The following CASP2 variants were observed in gnomAD, a reference collection of about 807,000 sequenced individuals.
The protein encoded by CASP2 is caspase-2.
Under a neutral mutation model 54.4 loss-of-function variants are expected in CASP2, and 38 were observed. The observed-to-expected ratio is 0.70, with a 90% confidence interval of 0.54 to 0.92. The LOEUF (loss-of-function observed/expected upper bound fraction) is 0.92. CASP2 is among the 40% of genes least tolerant of loss of function. The pLI is 0.00. For missense variants in CASP2, 512 were observed against 579.6 expected (o/e 0.88, Z 1.20); for synonymous variants, 215 against 216.3 (o/e 0.99, Z 0.05).
chr7:143,303,117 A>G (rs1801962965), intron 8 of CASP2: 1 of 152,068 alleles, frequency 6.6e-6, no homozygotes, highest in Non-Finnish European at 1.5e-5. Context: ...AAGAAAAAAA[A>G]AGATTTAAAA....
At chr7:143,296,283 G>A (rs1801747279) in intron 6 of CASP2, among the ~76,000 whole-genome samples, 1 of 152,212 alleles carries the variant, frequency 6.6e-6, no homozygotes, top group South Asian at 2.1e-4. Context: ...AATTGCAGTA[G>A]AGTTGAACTT....
intron 6 of CASP2, among the ~76,000 whole-genome samples, chr7:143,296,819 ATAAT>A (rs1425281878): frequency 1.3e-5 from 2 of 152,216 alleles, no homozygotes; most frequent in East Asian, 3.9e-4. Context: ...AGGAAATAGT[ATAAT>A]TAGTCTTAGA....
Position 143,288,482 on chromosome 7 carries a change from G to T in CASP2, c.27G>T (p.Trp9Cys). Residue 9 changes from tryptophan to cysteine, a missense_variant, in exon 1 of 11, where the codon TGG (tryptophan) becomes TGT (cysteine). By Grantham distance (215) the Trp-to-Cys change is radical. Around this residue, in one of 3 missense-constraint regions of CASP2, gnomAD observed 89 missense variants for 67.1 expected, o/e 1.33. Coordinates refer to ENST00000310447, the MANE Select transcript of CASP2 (RefSeq NM_032982.4). The stretch of plus-strand genomic sequence containing the variant: ...TGGCGGCGCCGAGCGCGGGGTCTTG[G>T]TCCACCTTCCAGCACAAGGAGCTGA... MAAPSAGS[W>C]STFQHKELMA... 6.2e-7 allele frequency: 1 copy of T among 1,613,344 alleles called. No individual in the cohort carries two copies. Among genetic ancestry groups the T allele is most frequent in the South Asian group, 1.1e-5 (1 of 91,060 alleles).
chr7:143,291,523 C>A lies in CASP2; in HGVS notation c.75-17C>A, dbSNP rs748416227. 1.9e-6 allele frequency: 3 copies of A among 1,613,894 alleles called. No homozygotes were observed. The highest frequency in any genetic ancestry group is 1.1e-5 in the South Asian group (1 of 91,078). ...AATTGTGACTTGACAGCCTTTCCTT[C>A]TACCGTTTATCTGTAGGATATTGGG... On this transcript the variant is annotated splice_polypyrimidine_tract_variant and intron_variant, in intron 1 of 10. Coordinates refer to ENST00000310447, the MANE Select transcript of CASP2 (RefSeq NM_032982.4).
chr7:143,300,732 A>T, intron 8 of CASP2: 1 of 1,190,592 alleles, frequency 8.4e-7, no homozygotes, highest in Non-Finnish European at 1.1e-6. Context: ...TTCCCTGTTT[A>T]CCTACACTTC....
intron 8 of CASP2, 97 bp from the exon 9 acceptor site, chr7:143,303,687 C>T: frequency 9.3e-7 from 1 of 1,071,732 alleles, no homozygotes; most frequent in Non-Finnish European, 1.4e-6. Flanking sequence ...TGGCTCTTCC[C>T]CTTCAAGGTT....
chr7:143,303,729 C>G, intron 8 of CASP2, 55 bp from the exon 9 acceptor site: 1 of 1,571,476 alleles, frequency 6.4e-7, no homozygotes, highest in Non-Finnish European at 8.7e-7. Flanking sequence ...GTGACAGGCC[C>G]AAGAGAGATA....
rs1802035640 is a variant in CASP2, at chr7:143,305,345, T to C, written c.*274T>C. 1.8e-6 allele frequency: 1 copy of C among 541,294 alleles called. No homozygotes were observed. The highest frequency in any genetic ancestry group is 3.4e-5 in the East Asian group (1 of 29,818). 33.5% of individuals were successfully genotyped at this position (541,294 alleles called of 1,614,324 possible). ...CAGTTGAAGAGCCTGACAAGTGAAG[T>C]TGTAAACACAGTGTGGTTATGGGGA... On this transcript the variant is annotated 3_prime_UTR_variant, in exon 11 of 11. Transcript: ENST00000310447.
chr7:143,305,274 G>A lies in CASP2; in HGVS notation c.*203G>A. ...TCCTTTTCTGTGAAGCCCTTTGCCT[G>A]TAGAGCCAGCCTTGGTTGGACCTAT... is the stretch of plus-strand genomic sequence containing the variant. On this transcript the variant is annotated 3_prime_UTR_variant, in exon 11 of 11. Coordinates refer to ENST00000310447, the MANE Select transcript of CASP2 (RefSeq NM_032982.4). The A allele has an allele frequency of 1.5e-6, 1 of 675,714 alleles. No individual in the cohort carries two copies. Among genetic ancestry groups the A allele is most frequent in the East Asian group, 2.8e-5 (1 of 36,316 alleles). 41.9% of individuals were successfully genotyped at this position (675,714 alleles called of 1,614,324 possible).
In CASP2 at chr7:143,305,470, C is replaced by T; in HGVS notation, c.*399C>T. On this transcript the variant is annotated 3_prime_UTR_variant, in exon 11 of 11. Transcript: ENST00000310447. ...ACATTAGTTAAGATGTCTGAGAGAC[C>T]ATCTCCTATCTTTTATTTCATTCAT... The T allele has an allele frequency of 3.1e-6, 1 of 322,226 alleles. No homozygotes were observed. The highest frequency in any genetic ancestry group is 6.1e-6 in the Non-Finnish European group (1 of 165,086). The allele number at this position is 322,226 out of a possible 1,614,324, so 20.0% of individuals were successfully genotyped here.
At chr7:143,300,577 C>G (rs1563065077) in intron 8 of CASP2, 2 of 1,470,132 alleles carry the variant, frequency 1.4e-6, no homozygotes, top group East Asian at 2.9e-5. Context: ...TCTGAGAACT[C>G]TTACTCTTTT....
rs1322652976 is a variant in CASP2, at chr7:143,307,032, C to T, written c.*1961C>T. 1.3e-5 allele frequency: 2 copies of T among 152,314 alleles called. No homozygotes were observed. Among genetic ancestry groups the T allele is most frequent in the African/African-American group, 4.8e-5 (2 of 41,410 alleles). 9.4% of individuals were successfully genotyped at this position (152,314 alleles called of 1,614,324 possible). A position where few individuals can be genotyped will look rare whatever the true frequency, so the allele number is the denominator to read the frequency against. ...CTTTTCCTGGGCCTTCTCAGCTCTC[C>T]ACCCCCACCACTCTTGACTCAGGTG... is the stretch of plus-strand genomic sequence containing the variant. On this transcript the variant is annotated 3_prime_UTR_variant, in exon 11 of 11. Coordinates refer to ENST00000310447, the MANE Select transcript of CASP2 (RefSeq NM_032982.4).
At chr7:143,289,620 A>G (rs1368061031) in intron 1 of CASP2, 3 of 984,026 alleles carry the variant, frequency 3.0e-6, no homozygotes, top group Admixed American at 1.2e-4. Flanking sequence ...AGCGAATACT[A>G]CTGGTAAACT....
chr7:143,305,147 G>T lies in CASP2; in HGVS notation c.*76G>T. The T allele has an allele frequency of 6.3e-7, 1 of 1,576,964 alleles. No homozygotes were observed. Among genetic ancestry groups the T allele is most frequent in the South Asian group, 1.1e-5 (1 of 89,992 alleles). On this transcript the variant is annotated 3_prime_UTR_variant, in exon 11 of 11. Coordinates refer to ENST00000310447, the MANE Select transcript of CASP2 (RefSeq NM_032982.4). The stretch of plus-strand genomic sequence containing the variant: ...GTGTGATAGAGCCTTTGATCTTCAG[G>T]ATGCACGGTTTCTGTTCTGCCCCCT...
chr7:143,290,424 AATGGAAGTTATTGT>A (rs1316332985), intron 1 of CASP2, among the ~76,000 whole-genome samples: 1 of 152,026 alleles, frequency 6.6e-6, no homozygotes, highest in Non-Finnish European at 1.5e-5. Flanking sequence ...TTAAGTTATA[AATGGAAGTTATTGT>A]ATTTTCACTG....
chr7:143,293,114 GTTTTTT>G, intron 4 of CASP2: 1 of 564,094 alleles, frequency 1.8e-6, no homozygotes, highest in Non-Finnish European at 3.0e-6. Context: ...CCTTTTTTTT[GTTTTTT>G]TTTTTTTTTG....
chr7:143,293,129 T>G (rs1801633841), intron 4 of CASP2: 15 of 622,296 alleles, frequency 2.4e-5, no homozygotes, highest in African/African-American at 1.8e-4. Flanking sequence ...TTTTTTTTTT[T>G]GTTGTGTTTT....
At position 143,305,823 on chromosome 7, in the gene CASP2, A is replaced by G. The variant is rs1485044279; in HGVS notation, c.*752A>G. ...TGAAATGAGCCTCGTGGGGAGCATC[A>G]GAGAAGGCCAGGAAGAATGGTGTGT... On this transcript the variant is annotated 3_prime_UTR_variant, in exon 11 of 11. Coordinates refer to ENST00000310447, the MANE Select transcript of CASP2 (RefSeq NM_032982.4). 6.5e-6 allele frequency: 1 copy of G among 153,986 alleles called. No individual in the cohort carries two copies. Among genetic ancestry groups the G allele is most frequent in the Non-Finnish European group, 1.4e-5 (1 of 69,220 alleles). 9.5% of individuals were successfully genotyped at this position (153,986 alleles called of 1,614,324 possible).
chr7:143,305,246 AG>A lies in CASP2; in HGVS notation c.*176del. ...GCCTTTGAGTGTGGGACTCCAGGCC[AG>A]CTCCTTTTCTGTGAAGCCCTTTGCC... On this transcript the variant is annotated 3_prime_UTR_variant, in exon 11 of 11. Coordinates refer to ENST00000310447, the MANE Select transcript of CASP2 (RefSeq NM_032982.4). 1.2e-6 allele frequency: 1 copy of A among 806,398 alleles called. No homozygotes were observed. Among genetic ancestry groups the A allele is most frequent in the South Asian group, 1.5e-5 (1 of 66,534 alleles). The allele number at this position is 806,398 out of a possible 1,614,324, so 50.0% of individuals were successfully genotyped here. A position where few individuals can be genotyped will look rare whatever the true frequency, so the allele number is the denominator to read the frequency against.
Sources: gnomAD v4.1 joint callset for allele counts (sites outside exome capture counted in the v4.1 genomes callset) on GRCh38, gnomAD v4.1.1 for gene constraint, gnomAD v4.1.1 regional missense constraint, MANE v1.5 for transcripts, NCBI Gene and HGNC (gene_info 2026-07-23, HGNC 2026-07-21) for gene names.